Variants in MARCHF1 observed in about 807,000 individuals in gnomAD.
MARCHF1 encodes membrane associated ring-CH-type finger 1.
MARCHF1 carries 40 observed loss-of-function variants against 54.2 expected under a neutral mutation model. The ratio of observed to expected loss-of-function variants is 0.74; its 90% confidence interval spans 0.57 to 0.96. The LOEUF (loss-of-function observed/expected upper bound fraction) is 0.96, where lower values mean the gene tolerates loss of function less well. MARCHF1 is among the 40% of genes least tolerant of loss of function. The pLI is 0.00. For synonymous variants in MARCHF1, 236 were observed against 236.3 expected (o/e 1.00, Z 0.01); for missense variants, 586 against 656.5 (o/e 0.89, Z 1.17).
intron 1 of MARCHF1, among the ~76,000 whole-genome samples, chr4:164,183,716 C>T (rs1730893471): frequency 6.6e-6 from 1 of 152,104 alleles, no homozygotes; most frequent in African/African-American, 2.4e-5. Context: ...CAGGTAACCA[C>T]CATCATGGAA....
intron 1 of MARCHF1, among the ~76,000 whole-genome samples, chr4:164,216,777 G>T (rs958797038): frequency 6.6e-6 from 1 of 152,134 alleles, no homozygotes; most frequent in Non-Finnish European, 1.5e-5. Flanking sequence ...TGAGAGCAGG[G>T]CTCTACTGGA....
intron 1 of MARCHF1, among the ~76,000 whole-genome samples, chr4:164,177,449 T>C (rs959444337): frequency 1.3e-5 from 2 of 152,124 alleles, no homozygotes; most frequent in African/African-American, 4.8e-5. Context: ...GCATGGCTTG[T>C]GAATGACAAA....
chr4:164,314,375 C>T (rs539803633), intron 1 of MARCHF1, among the ~76,000 whole-genome samples: 2 of 152,118 alleles, frequency 1.3e-5, no homozygotes, highest in Non-Finnish European at 2.9e-5. Flanking sequence ...GGAATAGCTG[C>T]TCTCTCTTAC....
chr4:163,990,645 T>A (rs574394661), intron 2 of MARCHF1, among the ~76,000 whole-genome samples: 1 of 152,274 alleles, frequency 6.6e-6, no homozygotes, highest in South Asian at 2.1e-4. Context: ...TTCTTAAATT[T>A]TCTGTAGCTT....
In MARCHF1 at chr4:163,972,336, T is replaced by G. The variant is rs189936324; in HGVS notation, c.-39+16165A>C. Among the ~76,000 whole-genome samples the G allele has an allele frequency of 8.4e-4, 128 of 152,214 alleles. 1 individual carries two copies. The highest frequency in any genetic ancestry group is 3.0e-3 in the African/African-American group (124 of 41,532). On this transcript the variant is annotated intron_variant, in intron 3 of 9. Transcript: ENST00000514618. Reference sequence around the variant, plus strand: ...ACGTTCTGCACATGTATCCCAGAACTTAAAGTATAATAAAAAATTTTTTTA... The same window carrying G: ...ACGTTCTGCACATGTATCCCAGAACGTAAAGTATAATAAAAAATTTTTTTA...
At chr4:163,532,203 G>A (rs892989304) in intron 9 of MARCHF1, among the ~76,000 whole-genome samples, 7 of 151,754 alleles carry the variant, frequency 4.6e-5, no homozygotes, top group African/African-American at 1.2e-4. Flanking sequence ...CTACCACTAC[G>A]GTGATCAAGA....
rs1336048361 is a variant in MARCHF1, at chr4:163,979,773, T to C, written c.-39+8728A>G. ...TGGTTTGCATTTCTCTGATGGCCAG[T>C]GATGATGAGCATTTTTTCATGTGTT... On this transcript the variant is annotated intron_variant, in intron 3 of 9. Transcript: ENST00000514618. Among the ~76,000 whole-genome samples, 3 of 152,296 alleles carry C rather than the reference T, an allele frequency of 2.0e-5. No homozygotes were observed. The East Asian group carries it at 5.8e-4, about 29-fold the overall frequency.
chr4:164,155,966 A>G (rs1230355411), intron 1 of MARCHF1, among the ~76,000 whole-genome samples: 1 of 152,148 alleles, frequency 6.6e-6, no homozygotes, highest in Admixed American at 6.5e-5. Flanking sequence ...GTGGTAATAA[A>G]TCATAATTTT....
intron 1 of MARCHF1, among the ~76,000 whole-genome samples, chr4:164,378,268 G>C (rs920177503): frequency 9.9e-5 from 15 of 152,224 alleles, no homozygotes; most frequent in African/African-American, 3.4e-4. Context: ...AAAGAATCTA[G>C]CAGAGATTTT....
rs2110852574 is a variant in MARCHF1 at position 163,528,952 on chromosome 4, A to G, written c.1434T>C (p.Tyr478=). The part of the protein sequence containing the change: ...LVFMYVQCKV[Y]VQLWRRLKAY... The stretch of plus-strand genomic sequence containing the variant: ...CCTTCAGCCTGCGCCACAACTGAAC[A>G]TAGACTTTACACTGTACGTACATGA... The change falls in exon 10 of 10, where the codon TAT becomes TAC. Residue 478 remains tyrosine (Y), a synonymous_variant. Coordinates refer to ENST00000514618, the MANE Select transcript of MARCHF1 (RefSeq NM_001394959.1). The G allele has an allele frequency of 5.0e-6, 8 of 1,613,326 alleles. No homozygotes were observed. The highest frequency in any genetic ancestry group is 2.7e-5 in the African/African-American group (2 of 74,982).
chr4:164,085,262 T>C (rs1755171692), intron 2 of MARCHF1, among the ~76,000 whole-genome samples: 1 of 151,850 alleles, frequency 6.6e-6, no homozygotes, highest in South Asian at 2.1e-4. Flanking sequence ...CAGATATACT[T>C]TAATTTATAA....
intron 4 of MARCHF1, among the ~76,000 whole-genome samples, chr4:163,800,601 G>C (rs1015052177): frequency 2.0e-5 from 3 of 151,980 alleles, no homozygotes; most frequent in African/African-American, 7.2e-5. Flanking sequence ...AAACAAAATT[G>C]TATGGTATTT....
Position 163,588,662 on chromosome 4 carries a change from C to T in MARCHF1, c.1011-2733G>A, listed in dbSNP as rs112200520. The stretch of plus-strand genomic sequence containing the variant: ...ATTCTGTTCACTGAATATTTTTAAT[C>T]AATAAAGTCTTATGGGAACACAGTC... On this transcript the variant is annotated intron_variant, in intron 7 of 9. Coordinates refer to ENST00000514618, the MANE Select transcript of MARCHF1 (RefSeq NM_001394959.1). 4.1e-4 allele frequency among the ~76,000 whole-genome samples: 63 copies of T among 152,206 alleles called. 1 individual carries two copies. Among genetic ancestry groups the T allele is most frequent in the African/African-American group, 1.4e-3 (57 of 41,542 alleles).
At chr4:163,879,455 A>T (rs1750366173) in intron 3 of MARCHF1, among the ~76,000 whole-genome samples, 1 of 152,236 alleles carries the variant, frequency 6.6e-6, no homozygotes, top group Non-Finnish European at 1.5e-5. Context: ...TTTACATTAT[A>T]AACAAAGAAG....
intron 1 of MARCHF1, among the ~76,000 whole-genome samples, chr4:164,115,100 A>T (rs1424877709): frequency 2.0e-5 from 3 of 151,990 alleles, no homozygotes; most frequent in Non-Finnish European, 4.4e-5. Flanking sequence ...CAAGGAAGGA[A>T]GTTTGAGGGT....
At chr4:163,622,306 G>A (rs1246937697) in intron 5 of MARCHF1, among the ~76,000 whole-genome samples, 1 of 152,024 alleles carries the variant, frequency 6.6e-6, no homozygotes, top group Non-Finnish European at 1.5e-5. Context: ...GTAGCAACAG[G>A]TCTGGGAAAA....
intron 1 of MARCHF1, among the ~76,000 whole-genome samples, chr4:164,235,854 T>G (rs905003085): frequency 1.3e-5 from 2 of 152,054 alleles, no homozygotes; most frequent in Non-Finnish European, 2.9e-5. Flanking sequence ...AATTCATCTA[T>G]GTAACAAAAA....
intron 3 of MARCHF1, among the ~76,000 whole-genome samples, chr4:163,872,179 GC>G (rs1374234740): frequency 2.6e-5 from 4 of 152,192 alleles, no homozygotes; most frequent in African/African-American, 9.7e-5. Flanking sequence ...CATTGCATTG[GC>G]CAGCCCTTTT....
chr4:163,872,772 C>T (rs934134423), intron 3 of MARCHF1, among the ~76,000 whole-genome samples: 1 of 152,010 alleles, frequency 6.6e-6, no homozygotes, highest in Non-Finnish European at 1.5e-5. Flanking sequence ...CGGCCGGGCG[C>T]GGTGGCTCAC....
Sources: allele counts gnomAD v4.1 joint callset (sites outside exome capture counted in the v4.1 genomes callset), GRCh38; gene constraint gnomAD v4.1.1; transcripts MANE v1.5; gene names NCBI Gene and HGNC (gene_info 2026-07-23, HGNC 2026-07-21).